DCAF10: variants seen among roughly 807,000 people sequenced by gnomAD.
The protein encoded by DCAF10 is DDB1- and CUL4-associated factor 10.
A neutral mutation model predicts 51.9 loss-of-function variants in DCAF10; 19 were observed. The ratio of observed to expected loss-of-function variants is 0.37; its 90% CI spans 0.26 to 0.54. DCAF10 has a LOEUF of 0.54. Among genes scored for constraint, DCAF10 ranks in the 20% least tolerant of loss-of-function variants. DCAF10 has a pLI of 0.87. For missense variants in DCAF10, 510 were observed against 730.6 expected, an observed-to-expected ratio of 0.70 and a Z score of 3.48; for synonymous variants, 291 against 297.1, an observed-to-expected ratio of 0.98 and a Z score of 0.21.
chr9:37,829,592 C>T lies in DCAF10; in HGVS notation c.653+10191C>T, dbSNP rs188750036. Among the ~76,000 whole-genome samples the T allele has an allele frequency of 4.6e-5, 7 of 152,212 alleles. No homozygotes were observed. In the East Asian group the frequency reaches 9.6e-4, roughly 21 times the overall value. ...GCAGAAAAATACTTGCTATTTCTCTCGGCAGCGAAACGTTGAGAAATAGGC... is the reference window on the plus strand; with the variant it reads ...GCAGAAAAATACTTGCTATTTCTCTTGGCAGCGAAACGTTGAGAAATAGGC... On this transcript the variant is annotated intron_variant, in intron 2 of 6. Transcript: ENST00000377724. The surrounding 1 kb of genome is among the most constrained non-coding windows in gnomAD (Gnocchi z 4.2).
At chr9:37,807,512 A>G (rs1829150651) in intron 1 of DCAF10, among the ~76,000 whole-genome samples, 1 of 152,160 alleles carries the variant, frequency 6.6e-6, no homozygotes, top group Admixed American at 6.5e-5. Context: ...ATTGAAAATT[A>G]CTAGAATGAT....
chr9:37,843,205 C>CG (rs1830384341), intron 3 of DCAF10, among the ~76,000 whole-genome samples: 1 of 151,928 alleles, frequency 6.6e-6, no homozygotes, highest in African/African-American at 2.4e-5. Flanking sequence ...TTTGTAGAGA[C>CG]GGGGTCTCGC....
At chr9:37,841,981 C>T in intron 2 of DCAF10, 108 bp from the exon 3 acceptor site, 1 of 1,036,866 alleles carries the variant, frequency 9.6e-7, no homozygotes, top group Non-Finnish European at 1.4e-6. Context: ...GTGTGTAGTC[C>T]TTTTTTTCTT....
intron 3 of DCAF10, 109 bp from the exon 4 acceptor site, chr9:37,854,671 C>G (rs1830793911): frequency 1.0e-6 from 1 of 995,282 alleles, no homozygotes; most frequent in African/African-American, 1.6e-5. Context: ...ATTGACCAAG[C>G]TCTTCTCATC....
intron 2 of DCAF10, among the ~76,000 whole-genome samples, chr9:37,836,581 A>G (rs1239520124): frequency 4.6e-5 from 7 of 151,814 alleles, no homozygotes; most frequent in Non-Finnish European, 1.0e-4. Flanking sequence ...ACTTTTATCT[A>G]CTCTTTTTTG....
chr9:37,818,132 A>G (rs2119052609), intron 1 of DCAF10, among the ~76,000 whole-genome samples: 1 of 152,168 alleles, frequency 6.6e-6, no homozygotes, highest in Non-Finnish European at 1.5e-5. Context: ...AGCTGGGACT[A>G]CAGGCCCCCA....
chr9:37,853,384 G>C (rs991827795), intron 3 of DCAF10, among the ~76,000 whole-genome samples: 24 of 133,860 alleles, frequency 1.8e-4, no homozygotes, highest in African/African-American at 6.6e-4. Flanking sequence ...TTGCACTCCA[G>C]CCTGGGCGAC....
intron 1 of DCAF10, among the ~76,000 whole-genome samples, chr9:37,812,771 C>A (rs1465727372): frequency 1.3e-5 from 2 of 151,996 alleles, no homozygotes; most frequent in Admixed American, 6.6e-5. Context: ...GTAGCTGGGA[C>A]CACAGGCACA....
intron 1 of DCAF10, among the ~76,000 whole-genome samples, chr9:37,802,833 T>C (rs576032772): frequency 6.6e-6 from 1 of 152,274 alleles, no homozygotes; most frequent in East Asian, 1.9e-4. Context: ...CCTCCTTCCT[T>C]CAGCCAAGCC....
At chr9:37,855,492 T>C (rs904699766) in intron 4 of DCAF10, among the ~76,000 whole-genome samples, 1 of 152,266 alleles carries the variant, frequency 6.6e-6, no homozygotes, top group Non-Finnish European at 1.5e-5. Flanking sequence ...CTCCCATTGC[T>C]GATTTTGTTA....
Position 37,801,064 on chromosome 9 carries a change from G to A in DCAF10, c.198G>A (p.Pro66=). The A allele has an allele frequency of 1.1e-5, 17 of 1,531,516 alleles. No individual in the cohort carries two copies. The highest frequency in any genetic ancestry group is 1.4e-5 in the African/African-American group (1 of 70,486). 94.9% of individuals were successfully genotyped at this position (1,531,516 alleles called of 1,614,324 possible). ...GCGCCCCATCGCTGTCCCCGGCCCCGCGCTCCGGAGAGCTAGGGCTGCCTG... is the reference window on the plus strand; with the variant it reads ...GCGCCCCATCGCTGTCCCCGGCCCCACGCTCCGGAGAGCTAGGGCTGCCTG... ...RPGAPSLSPA[P]RSGELGLPGA... The change falls in exon 1 of 7, where the codon CCG becomes CCA. Residue 66 remains proline, a synonymous_variant. Coordinates refer to ENST00000377724, the MANE Select transcript of DCAF10 (RefSeq NM_024345.5). This position sits in a 1 kb window ranked among gnomAD's most constrained non-coding sequence, Gnocchi z 5.5.
intron 3 of DCAF10, among the ~76,000 whole-genome samples, chr9:37,851,640 C>G (rs2118123640): frequency 6.6e-6 from 1 of 151,346 alleles, no homozygotes; most frequent in South Asian, 2.1e-4. Flanking sequence ...ACTAAAAATA[C>G]AAAAATTAGC....
intron 3 of DCAF10, among the ~76,000 whole-genome samples, chr9:37,843,852 A>G (rs897632423): frequency 5.3e-5 from 8 of 152,230 alleles, no homozygotes; most frequent in African/African-American, 1.7e-4. Flanking sequence ...CCAGTTAAAA[A>G]TAGACAGTGT....
intron 1 of DCAF10, among the ~76,000 whole-genome samples, chr9:37,814,117 TATATATA>T (rs1315850747): frequency 8.9e-5 from 8 of 90,240 alleles, no homozygotes; most frequent in African/African-American, 2.6e-4. Flanking sequence ...TATATATATA[TATATATA>T]TATTTGTTGT....
intron 1 of DCAF10, 110 bp from the exon 2 acceptor site, chr9:37,819,178 C>CA (rs11330143): frequency 0.027 from 16,385 of 615,906 alleles, no homozygotes; most frequent in South Asian, 0.04. Context: ...CTAACATGGG[C>CA]AAAAAAAAAA....
At chr9:37,814,127 T>TATATATATA (rs1554685262) in intron 1 of DCAF10, among the ~76,000 whole-genome samples, 110 of 100,570 alleles carry the variant, frequency 1.1e-3, no homozygotes, top group South Asian at 1.3e-3. Flanking sequence ...TATATATATA[T>TATATATATA]TTGTTGTTGT....
In DCAF10 at chr9:37,857,316, C is replaced by G; in HGVS notation, c.1130C>G (p.Ser377Cys). 1.2e-6 allele frequency: 2 copies of G among 1,610,236 alleles called. No individual in the cohort carries two copies. The highest frequency in any genetic ancestry group is 1.7e-6 in the Non-Finnish European group (2 of 1,178,666). ...TGTCATCATAGTGATTCTAATTCTT[C>G]TGAGAAACACATGTCACGAGCCTCT... is the stretch of plus-strand genomic sequence containing the variant. ...SPCHHSDSNS[S>C]EKHMSRASQR... The change falls in exon 5 of 7, where the codon TCT becomes TGT. Residue 377 changes from serine (S) to cysteine (C), a missense_variant. By Grantham distance (112) the Ser-to-Cys change is moderately radical. Coordinates refer to ENST00000377724, the MANE Select transcript of DCAF10 (RefSeq NM_024345.5).
At chr9:37,819,479 A>T in intron 2 of DCAF10, 78 bp downstream of exon 2, 1 of 1,016,172 alleles carries the variant, frequency 9.8e-7, no homozygotes, top group East Asian at 2.5e-5. Flanking sequence ...GAAAATGAAA[A>T]TGTTTAATGC....
At chr9:37,827,153 C>T (rs1829877414) in intron 2 of DCAF10, among the ~76,000 whole-genome samples, 1 of 152,034 alleles carries the variant, frequency 6.6e-6, no homozygotes, top group Admixed American at 6.6e-5. Flanking sequence ...GTAAGAACAC[C>T]AACATAAGAA....
Sources: allele counts gnomAD v4.1 joint callset (sites outside exome capture counted in the v4.1 genomes callset), GRCh38; gene constraint gnomAD v4.1.1; non-coding constraint Gnocchi (gnomAD v3.1); transcripts MANE v1.5; gene names NCBI Gene and HGNC (gene_info 2026-07-23, HGNC 2026-07-21).